Variants in C7orf78 observed in about 807,000 individuals in gnomAD.
C7orf78 encodes the protein chromosome 7 open reading frame 78.
At chr7:12,532,020 T>C in the C7orf78 span, among the ~76,000 whole-genome samples, 3 of 152,156 alleles carry the variant, frequency 2.0e-5, no homozygotes, top group East Asian at 5.8e-4. Context: ...CCTAATCTTA[T>C]TATGCAAATG....
chr7:12,504,468 T>C, the C7orf78 span: 1 of 152,202 alleles, frequency 6.6e-6, no homozygotes, highest in African/African-American at 2.4e-5. Flanking sequence ...GTTAAACTGT[T>C]AGTCTCTCTT....
the C7orf78 span, among the ~76,000 whole-genome samples, chr7:12,512,384 G>A: frequency 1.3e-5 from 2 of 152,096 alleles, no homozygotes. Flanking sequence ...CTTATTGAGA[G>A]TTTTTATCAT....
the C7orf78 span, among the ~76,000 whole-genome samples, chr7:12,514,578 A>G: frequency 0.19 from 29,003 of 151,544 alleles, 2,925 homozygotes; most frequent in East Asian, 0.33. Flanking sequence ...TTTCTGTCAT[A>G]TTGTTCATTG....
At chr7:12,540,114 A>C in the C7orf78 span, among the ~76,000 whole-genome samples, 1 of 152,222 alleles carries the variant, frequency 6.6e-6, no homozygotes, top group Admixed American at 6.5e-5. Flanking sequence ...TCCATGTGTA[A>C]GAAATCAGGA....
the C7orf78 span, among the ~76,000 whole-genome samples, chr7:12,497,872 C>A: frequency 3.3e-5 from 5 of 151,122 alleles, no homozygotes; most frequent in Non-Finnish European, 7.4e-5. Context: ...TCTCCCAGCA[C>A]GCAGCTGGAG....
At chr7:12,521,840 C>T in the C7orf78 span, among the ~76,000 whole-genome samples, 1 of 151,814 alleles carries the variant, frequency 6.6e-6, no homozygotes, top group Non-Finnish European at 1.5e-5. Flanking sequence ...AATACTATAA[C>T]TCCAATTTTT....
chr7:12,491,210 A>G, the C7orf78 span: 1 of 152,228 alleles, frequency 6.6e-6, no homozygotes, highest in Non-Finnish European at 1.5e-5. Flanking sequence ...TTGATCAAAC[A>G]TAGAAAGCTA....
At chr7:12,491,616 TAAAGAA>T in the C7orf78 span, 1 of 152,084 alleles carries the variant, frequency 6.6e-6, no homozygotes, top group African/African-American at 2.4e-5. Context: ...AAAACAAAGA[TAAAGAA>T]AATTAGTGAA....
At chr7:12,487,627 C>T in the C7orf78 span, among the ~76,000 whole-genome samples, 9 of 152,132 alleles carry the variant, frequency 5.9e-5, no homozygotes, top group Non-Finnish European at 8.8e-5. Flanking sequence ...AGGAATTAAA[C>T]GAATCCAGCA....
At chr7:12,516,774 C>G in the C7orf78 span, among the ~76,000 whole-genome samples, 1 of 152,302 alleles carries the variant, frequency 6.6e-6, no homozygotes, top group Admixed American at 6.5e-5. Context: ...AGATGGATTT[C>G]AGACTTGCAT....
chr7:12,535,669 AGCAAGTCCCTTCTGCCTATAAG>A, the C7orf78 span, among the ~76,000 whole-genome samples: 1 of 152,236 alleles, frequency 6.6e-6, no homozygotes, highest in Admixed American at 6.5e-5. Context: ...TCTGAAACAA[AGCAAGTCCCTTCTGCCTATAAG>A]GCTATAAAAT....
the C7orf78 span, among the ~76,000 whole-genome samples, chr7:12,515,806 G>A: frequency 6.6e-6 from 1 of 152,072 alleles, no homozygotes; most frequent in African/African-American, 2.4e-5. Context: ...AGAGATTTGT[G>A]GAATTTTGAA....
chr7:12,483,845 T>A, the C7orf78 span: 5 of 139,428 alleles, frequency 3.6e-5, no homozygotes, highest in African/African-American at 1.3e-4. Context: ...GCCACTGCAC[T>A]CTAGCCTGGG....
the C7orf78 span, among the ~76,000 whole-genome samples, chr7:12,512,564 T>G: frequency 2.0e-5 from 3 of 152,202 alleles, no homozygotes; most frequent in African/African-American, 7.2e-5. Context: ...TATATCTTTT[T>G]GATGTGCAGT....
chr7:12,523,437 G>C, the C7orf78 span: 1 of 397,928 alleles, frequency 2.5e-6, no homozygotes, highest in South Asian at 1.3e-4. Context: ...GTAAAAAAGA[G>C]CATTTGAATA....
At chr7:12,504,640 C>T in the C7orf78 span, 2 of 151,876 alleles carry the variant, frequency 1.3e-5, no homozygotes, top group African/African-American at 4.8e-5. Flanking sequence ...CTCTTTGGAG[C>T]CTATATGTTT....
At chr7:12,526,581 C>T in the C7orf78 span, among the ~76,000 whole-genome samples, 4 of 152,036 alleles carry the variant, frequency 2.6e-5, no homozygotes, top group African/African-American at 7.2e-5. Flanking sequence ...TTCAAAATAA[C>T]GAGCAAATAA....
chr7:12,493,432 A>T, the C7orf78 span, among the ~76,000 whole-genome samples: 3 of 152,206 alleles, frequency 2.0e-5, no homozygotes, highest in African/African-American at 7.2e-5. Context: ...AAAGTTGACC[A>T]GACATCAGAA....
At chr7:12,511,281 C>T in the C7orf78 span, among the ~76,000 whole-genome samples, 1 of 152,066 alleles carries the variant, frequency 6.6e-6, no homozygotes, top group Non-Finnish European at 1.5e-5. Context: ...ATTTTGATTA[C>T]TCTAGATTTG....
Sources: allele counts gnomAD v4.1 joint callset (sites outside exome capture counted in the v4.1 genomes callset), GRCh38; gene constraint gnomAD v4.1.1; transcripts MANE v1.5; gene names NCBI Gene and HGNC (gene_info 2026-07-23, HGNC 2026-07-21).